C11orf58: variants seen among roughly 807,000 people sequenced by gnomAD.
C11orf58 encodes small acidic protein.
Under a neutral mutation model 22.7 loss-of-function variants are expected in C11orf58, and 5 were observed. That is an observed-to-expected ratio of 0.22 (90% CI 0.12 to 0.46). The LOEUF is 0.46. Ranked by LOEUF, C11orf58 falls within the 20% of genes least tolerant of loss-of-function variation. The pLI, the probability that C11orf58 is intolerant of heterozygous loss-of-function variation, is 0.99. For missense variants in C11orf58, 151 were observed against 223.3 expected, an observed-to-expected ratio of 0.68 and a Z score of 2.06; for synonymous variants, 71 against 70.7, an observed-to-expected ratio of 1.00 and a Z score of -0.02.
intron 4 of C11orf58, among the ~76,000 whole-genome samples, chr11:16,753,421 A>C (rs950230724): frequency 1.1e-4 from 16 of 151,064 alleles, no homozygotes; most frequent in Non-Finnish European, 1.9e-4. Context: ...GCTGGGGTGC[A>C]GTGGCTCCAT....
chr11:16,738,810 G>T lies in C11orf58; in HGVS notation c.32G>T (p.Gly11Val). Residue 11 changes from glycine to valine, a missense_variant, in exon 1 of 5, where the codon GGG (glycine) becomes GTG (valine). Physicochemically the swap from Gly to Val is moderately radical, Grantham distance 109. Coordinates refer to ENST00000228136, the MANE Select transcript of C11orf58 (RefSeq NM_014267.6). ...GCTGCCAGAGAGTCTCACCCGCATGGGGTGAAGCGTTCAGCCTCCCCAGAC... is the reference window on the plus strand; with the variant it reads ...GCTGCCAGAGAGTCTCACCCGCATGTGGTGAAGCGTTCAGCCTCCCCAGAC... MSAARESHPH[G>V]VKRSASPDDD... 1.2e-6 allele frequency: 2 copies of T among 1,614,118 alleles called. No homozygotes were observed. Among genetic ancestry groups the T allele is most frequent in the Non-Finnish European group, 1.7e-6 (2 of 1,180,022 alleles).
chr11:16,744,523 A>G, intron 1 of C11orf58, 78 bp from the exon 2 acceptor site: 1 of 1,150,248 alleles, frequency 8.7e-7, no homozygotes, highest in Non-Finnish European at 1.3e-6. Context: ...AAAAAACTTG[A>G]GAGTTACAGG....
chr11:16,754,529 T>TTCTC (rs1279102286), intron 4 of C11orf58, among the ~76,000 whole-genome samples: 1 of 143,040 alleles, frequency 7.0e-6, no homozygotes, highest in South Asian at 2.2e-4. Flanking sequence ...TTTTTTTAGT[T>TTCTC]TCTCTCTCTC....
chr11:16,744,358 T>C (rs576768660), intron 1 of C11orf58: 1 of 446,246 alleles, frequency 2.2e-6, no homozygotes, highest in East Asian at 4.0e-5. Context: ...GTGACGCTGA[T>C]AGAGGCAAAC....
intron 2 of C11orf58, chr11:16,747,890 T>G: frequency 2.2e-6 from 1 of 449,742 alleles, no homozygotes. Flanking sequence ...CTTTCTAACA[T>G]AGTATAAATA....
At chr11:16,749,462 T>C (rs1381342635) in intron 3 of C11orf58, 2 of 152,228 alleles carry the variant, frequency 1.3e-5, no homozygotes, top group Non-Finnish European at 2.9e-5. Flanking sequence ...CTGAGAGCTT[T>C]AAAGCAGGAG....
At chr11:16,750,780 T>A (rs1325304817) in intron 3 of C11orf58, 4 of 152,970 alleles carry the variant, frequency 2.6e-5, no homozygotes, top group Non-Finnish European at 4.4e-5. Context: ...TAAATACATA[T>A]CAGGAAAACT....
intron 2 of C11orf58, chr11:16,747,587 GAGAT>G (rs1277754697): frequency 1.3e-5 from 2 of 152,192 alleles, no homozygotes; most frequent in African/African-American, 4.8e-5. Context: ...AAATAGTAAA[GAGAT>G]AGCTAATGAT....
chr11:16,741,605 G>A (rs1414199613), intron 1 of C11orf58, among the ~76,000 whole-genome samples: 1 of 152,232 alleles, frequency 6.6e-6, no homozygotes, highest in African/African-American at 2.4e-5. Flanking sequence ...ACAGCAGGAC[G>A]TGAGCTGTGG....
chr11:16,744,532 G>A, intron 1 of C11orf58, 69 bp from the exon 2 acceptor site: 1 of 1,268,276 alleles, frequency 7.9e-7, no homozygotes, highest in South Asian at 1.2e-5. Context: ...GAGAGTTACA[G>A]GTAGACTTTA....
intron 4 of C11orf58, 143 bp downstream of exon 4, chr11:16,753,037 C>T (rs1564885090): frequency 6.8e-6 from 4 of 585,730 alleles, no homozygotes; most frequent in East Asian, 3.0e-5. Context: ...TTTGTATATG[C>T]CCTACTGGTC....
intron 2 of C11orf58, among the ~76,000 whole-genome samples, chr11:16,745,849 A>C (rs1335909751): frequency 6.6e-6 from 1 of 152,232 alleles, no homozygotes; most frequent in Non-Finnish European, 1.5e-5. Context: ...AATTGAAAAG[A>C]AATAGGAAAG....
intron 4 of C11orf58, 54 bp downstream of exon 4, chr11:16,752,948 A>G: frequency 1.5e-6 from 2 of 1,368,164 alleles, no homozygotes; most frequent in South Asian, 2.5e-5. Flanking sequence ...ATTTGGTACC[A>G]TTTATTGCTG....
At chr11:16,745,456 A>G (rs987988455) in intron 2 of C11orf58, among the ~76,000 whole-genome samples, 2 of 152,230 alleles carry the variant, frequency 1.3e-5, no homozygotes, top group African/African-American at 4.8e-5. Flanking sequence ...TAAATGTATT[A>G]TATCCTGTAT....
intron 4 of C11orf58, among the ~76,000 whole-genome samples, chr11:16,754,547 CTTTTTTTTTTTTT>C (rs573626223): frequency 9.5e-4 from 30 of 31,494 alleles, no homozygotes; most frequent in Admixed American, 2.3e-3. Flanking sequence ...CTCTCTCTCC[CTTTTTTTTTTTTT>C]TTTTTTTTTT....
In C11orf58 at chr11:16,752,844, A is replaced by G. The variant is rs890524492; in HGVS notation, c.268A>G (p.Ser90Gly). The G allele has an allele frequency of 6.2e-7, 1 of 1,613,256 alleles. No homozygotes were observed. Among genetic ancestry groups the G allele is most frequent in the Admixed American group, 1.7e-5 (1 of 59,864 alleles). Reference sequence around the variant, plus strand: ...GTCTCAATATCAGCAAAGTATGGACAGTAAATTATCAGGAAGATATCGGCG... The same window carrying G: ...GTCTCAATATCAGCAAAGTATGGACGGTAAATTATCAGGAAGATATCGGCG... ...LESQYQQSMD[S>G]KLSGRYRRHC... Residue 90 changes from serine (S) to glycine (G), a missense_variant, in exon 4 of 5, where the codon AGT (serine) becomes GGT (glycine). Physicochemically the swap from Ser to Gly is moderately conservative, Grantham distance 56. Coordinates refer to ENST00000228136, the MANE Select transcript of C11orf58 (RefSeq NM_014267.6).
chr11:16,752,634 G>A (rs189962250), intron 3 of C11orf58, 151 bp from the exon 4 acceptor site: 3 of 442,250 alleles, frequency 6.8e-6, no homozygotes, highest in Non-Finnish European at 1.2e-5. Context: ...TTTCTATTAG[G>A]TAACCACCTA....
Position 16,748,086 on chromosome 11 carries a change from C to T in C11orf58, c.148-11C>T, listed in dbSNP as rs544004987. The T allele has an allele frequency of 4.3e-5, 69 of 1,606,774 alleles. No individual in the cohort carries two copies. The South Asian group carries it at 7.3e-4, about 17-fold the overall frequency. On this transcript the variant is annotated splice_polypyrimidine_tract_variant and intron_variant, in intron 2 of 4. Coordinates refer to ENST00000228136, the MANE Select transcript of C11orf58 (RefSeq NM_014267.6). ...GTCTCAAATGCTAATACATTTTCAA[C>T]CTTCTTATAGAAAGAACATACTGGT...
At chr11:16,747,937 C>T (rs1848500655) in intron 2 of C11orf58, 160 bp from the exon 3 acceptor site, 2 of 589,704 alleles carry the variant, frequency 3.4e-6, no homozygotes, top group African/African-American at 3.8e-5. Context: ...CCCATTCCTA[C>T]CCTTGCTAGA....
Sources: gnomAD v4.1 joint callset for allele counts (sites outside exome capture counted in the v4.1 genomes callset) on GRCh38, gnomAD v4.1.1 for gene constraint, MANE v1.5 for transcripts, NCBI Gene and HGNC (gene_info 2026-07-23, HGNC 2026-07-21) for gene names.